Variants in ADARB2 observed in about 807,000 individuals in gnomAD.
ADARB2 encodes the protein inactive double-stranded RNA-specific editase B2.
ADARB2 carries 25 observed loss-of-function variants against 62.2 expected under a neutral mutation model. The observed-to-expected ratio is 0.40, with a 90% CI of 0.29 to 0.56. The LOEUF (loss-of-function observed/expected upper bound fraction) is 0.56. Among genes scored for constraint, ADARB2 ranks in the 20% least tolerant of loss-of-function variants. The probability of loss-of-function intolerance (pLI) is 0.43; values close to 1 mark genes in which losing one functional copy is unlikely to be tolerated. For missense variants in ADARB2, 1,071 were observed against 1,077.4 expected, an observed-to-expected ratio of 0.99 and a Z score of 0.08; for synonymous variants, 572 against 500.8, an observed-to-expected ratio of 1.14 and a Z score of -1.90.
At chr10:1,262,289 T>TA (rs1554749744) in intron 4 of ADARB2, among the ~76,000 whole-genome samples, 1 of 111,762 alleles carries the variant, frequency 8.9e-6, no homozygotes, top group East Asian at 2.0e-4. Context: ...ACTTAAAGTA[T>TA]AATAATAATA....
chr10:1,366,341 G>C (rs900487250), intron 2 of ADARB2, among the ~76,000 whole-genome samples: 1 of 152,200 alleles, frequency 6.6e-6, no homozygotes, highest in Non-Finnish European at 1.5e-5. Flanking sequence ...GTTCCATTAG[G>C]GAATCTCAGC....
intron 1 of ADARB2, among the ~76,000 whole-genome samples, chr10:1,595,734 C>A (rs981207612): frequency 6.6e-6 from 1 of 152,220 alleles, no homozygotes; most frequent in African/African-American, 2.4e-5. Context: ...AGCCGAGAGA[C>A]AAAATCCTCC....
chr10:1,350,800 T>C (rs182035304), intron 3 of ADARB2, among the ~76,000 whole-genome samples: 48 of 152,136 alleles, frequency 3.2e-4, no homozygotes, highest in African/African-American at 1.1e-3. Flanking sequence ...AAAATTAAAT[T>C]CCGGCCCTCA....
chr10:1,602,830 C>A (rs12240301), intron 1 of ADARB2, among the ~76,000 whole-genome samples: 36,222 of 151,736 alleles, frequency 0.24, 4,466 homozygotes, highest in Non-Finnish European at 0.26. Flanking sequence ...CACATATGCA[C>A]ATCTGTACAT....
chr10:1,501,728 C>A (rs772746848), intron 1 of ADARB2, among the ~76,000 whole-genome samples: 21 of 152,210 alleles, frequency 1.4e-4, no homozygotes, highest in Non-Finnish European at 2.8e-4. Context: ...AATTTATGGA[C>A]TTCATGTCCT....
At chr10:1,225,441 T>G (rs1830736578) in intron 6 of ADARB2, among the ~76,000 whole-genome samples, 1 of 152,194 alleles carries the variant, frequency 6.6e-6, no homozygotes, top group African/African-American at 2.4e-5. Flanking sequence ...TGTGTGAATT[T>G]GATCCTGTCA....
chr10:1,220,424 GTGA>G (rs1447063203), intron 6 of ADARB2, among the ~76,000 whole-genome samples: 2 of 151,074 alleles, frequency 1.3e-5, no homozygotes, highest in Admixed American at 6.6e-5. Context: ...GGTCGTGATG[GTGA>G]TGATGGTGGT....
chr10:1,480,863 C>T (rs1304702453), intron 1 of ADARB2, among the ~76,000 whole-genome samples: 3 of 152,140 alleles, frequency 2.0e-5, no homozygotes, highest in African/African-American at 7.2e-5. Context: ...GATTGGAAGG[C>T]TTAATATTAT....
At position 1,658,142 on chromosome 10, in the gene ADARB2, C is replaced by T. The variant is rs151070970; in HGVS notation, c.100+78909G>A. On this transcript the variant is annotated intron_variant, in intron 1 of 9. Coordinates refer to ENST00000381312, the MANE Select transcript of ADARB2 (RefSeq NM_018702.4). ...TCTGTCTGATGCTGTCTCTCTCTCT[C>T]TCTGTATCTTATTCTCCCTGTCTCT... is the stretch of plus-strand genomic sequence containing the variant. 9.5e-3 allele frequency among the ~76,000 whole-genome samples: 1,436 copies of T among 150,378 alleles called. 8 individuals are homozygous for T. Among genetic ancestry groups the T allele is most frequent in the Non-Finnish European group, 0.015 (1,040 of 67,822 alleles).
intron 1 of ADARB2, among the ~76,000 whole-genome samples, chr10:1,734,005 A>G (rs914686808): frequency 3.9e-5 from 4 of 101,594 alleles, no homozygotes; most frequent in African/African-American, 9.4e-5. Flanking sequence ...TCCTTCTCAT[A>G]GTTTTTTTTT....
intron 1 of ADARB2, among the ~76,000 whole-genome samples, chr10:1,392,151 G>C (rs1366959605): frequency 6.6e-6 from 1 of 152,128 alleles, no homozygotes; most frequent in Non-Finnish European, 1.5e-5. Flanking sequence ...CGAGCACTTT[G>C]AGTCTGTCCT....
At chr10:1,645,667 C>T (rs2119064534) in intron 1 of ADARB2, among the ~76,000 whole-genome samples, 1 of 152,256 alleles carries the variant, frequency 6.6e-6, no homozygotes, top group South Asian at 2.1e-4. Context: ...TCACATCTAA[C>T]CCAGCTCTGA....
chr10:1,363,831 C>A lies in ADARB2; in HGVS notation c.274G>T (p.Gly92Cys), dbSNP rs1041764548. ...PPPSGDRARG[G>C]APGAKRKRPL... Reference sequence around the variant, plus strand: ...CGCTTCCTCTTCGCGCCGGGCGCGCCGCCCCGGGCCCGGTCCCCGGAGGGC... The same window carrying A: ...CGCTTCCTCTTCGCGCCGGGCGCGCAGCCCCGGGCCCGGTCCCCGGAGGGC... Residue 92 changes from glycine to cysteine, a missense_variant, in exon 3 of 10, where the codon GGC becomes TGC. Gly to Cys is a radical substitution (Grantham distance 159). Coordinates refer to ENST00000381312, the MANE Select transcript of ADARB2 (RefSeq NM_018702.4). 2 of 1,568,042 alleles carry A rather than the reference C, an allele frequency of 1.3e-6. No individual in the cohort carries two copies. The highest frequency in any genetic ancestry group is 3.6e-5 in the Admixed American group (2 of 56,114).
At chr10:1,644,755 T>C (rs1305784293) in intron 1 of ADARB2, among the ~76,000 whole-genome samples, 1 of 152,260 alleles carries the variant, frequency 6.6e-6, no homozygotes, top group Non-Finnish European at 1.5e-5. Flanking sequence ...GCCTTTCAAA[T>C]GACTTTTCTG....
At chr10:1,489,569 A>C (rs1447955317) in intron 1 of ADARB2, among the ~76,000 whole-genome samples, 1 of 152,248 alleles carries the variant, frequency 6.6e-6, no homozygotes, top group Non-Finnish European at 1.5e-5. Flanking sequence ...CGGAAGAAAA[A>C]CAACAAAGTC....
At chr10:1,289,647 A>G (rs962767114) in intron 3 of ADARB2, among the ~76,000 whole-genome samples, 3 of 152,218 alleles carry the variant, frequency 2.0e-5, no homozygotes, top group Admixed American at 6.5e-5. Context: ...GCTTCCTCTC[A>G]CTGGCTCCGT....
chr10:1,281,370 C>T (rs1831369857), intron 3 of ADARB2, among the ~76,000 whole-genome samples: 1 of 152,198 alleles, frequency 6.6e-6, no homozygotes, highest in Non-Finnish European at 1.5e-5. Context: ...TAGGGCCTCA[C>T]CTATGGAATG....
chr10:1,343,916 C>T (rs1017815154), intron 3 of ADARB2, among the ~76,000 whole-genome samples: 6 of 152,250 alleles, frequency 3.9e-5, no homozygotes, highest in African/African-American at 1.4e-4. Context: ...ATCCACCTCT[C>T]GGGCACTGTG....
intron 4 of ADARB2, among the ~76,000 whole-genome samples, chr10:1,242,723 G>A (rs914541862): frequency 3.9e-5 from 6 of 152,100 alleles, no homozygotes; most frequent in African/African-American, 1.4e-4. Context: ...TCCTCCAACG[G>A]GATCAGGGCA....
Sources: gnomAD v4.1 joint callset for allele counts (sites outside exome capture counted in the v4.1 genomes callset) on GRCh38, gnomAD v4.1.1 for gene constraint, MANE v1.5 for transcripts, NCBI Gene and HGNC (gene_info 2026-07-23, HGNC 2026-07-21) for gene names.